PLAGL1: variants seen among roughly 807,000 people sequenced by gnomAD.
PLAGL1 encodes zinc finger protein PLAGL1.
A neutral mutation model predicts 4.6 loss-of-function variants in PLAGL1; 1 was observed. That is an observed-to-expected ratio of 0.22 (90% CI 0.08 to 1.03). PLAGL1 has a LOEUF of 1.03. Among genes scored for constraint, PLAGL1 ranks in the 50% least tolerant of loss-of-function variants. The probability of loss-of-function intolerance (pLI) is 0.58; values close to 1 mark genes in which losing one functional copy is unlikely to be tolerated. For missense variants in PLAGL1, 464 were observed against 570.4 expected (o/e 0.81, Z 1.90); for synonymous variants, 240 against 237.8 (o/e 1.01, Z -0.08).
In PLAGL1 at chr6:144,016,976, A is replaced by G. The variant is rs1017649937; in HGVS notation, c.-151+47492T>C. Among the ~76,000 whole-genome samples, 1 of 152,128 alleles carries G rather than the reference A, an allele frequency of 6.6e-6. No homozygotes were observed. Among genetic ancestry groups the G allele is most frequent in the African/African-American group, 2.4e-5 (1 of 41,420 alleles). On this transcript the variant is annotated intron_variant, in intron 1 of 3. Transcript: ENST00000437412. The surrounding 1 kb of genome is among the most constrained non-coding windows in gnomAD (Gnocchi z 4.2). ...CAGTGGCAGAGGTGAAACCTGACCT[A>G]GAGCCTTCTCTTGGACTCCTAATCC... is the stretch of plus-strand genomic sequence containing the variant.
chr6:143,978,464 T>C lies in PLAGL1; in HGVS notation c.-544+6671A>G, dbSNP rs952530152. Among the ~76,000 whole-genome samples the C allele has an allele frequency of 2.0e-5, 3 of 152,214 alleles. No individual in the cohort carries two copies. The highest frequency in any genetic ancestry group is 7.2e-5 in the African/African-American group (3 of 41,456). On this transcript the variant is annotated intron_variant, in intron 2 of 7. Transcript: ENST00000674357. The surrounding 1 kb of genome is among the most constrained non-coding windows in gnomAD (Gnocchi z 4.6). Reference sequence around the variant, plus strand: ...AGCATACTGTTTAATTTCCAAATATTTGGAAAATTTCCAGCACTTTTTTCA... The same window carrying C: ...AGCATACTGTTTAATTTCCAAATATCTGGAAAATTTCCAGCACTTTTTTCA...
chr6:143,944,942 T>C (rs1241805085), intron 7 of PLAGL1, among the ~76,000 whole-genome samples: 1 of 151,940 alleles, frequency 6.6e-6, no homozygotes, highest in Admixed American at 6.5e-5. Context: ...CGACTGCACC[T>C]GGTTATTTCC....
chr6:144,049,783 C>T (rs1798448474), intron 1 of PLAGL1, among the ~76,000 whole-genome samples: 1 of 152,140 alleles, frequency 6.6e-6, no homozygotes, highest in African/African-American at 2.4e-5. Context: ...ATTACTAGTC[C>T]CATTTTTCAA....
rs1784534378 is a variant in PLAGL1, at chr6:143,966,956, A to T, written c.-471-758T>A. On this transcript the variant is annotated intron_variant, in intron 3 of 7. Transcript: ENST00000674357. The surrounding 1 kb of genome is among the most constrained non-coding windows in gnomAD (Gnocchi z 6.0). Reference sequence around the variant, plus strand: ...AATGGGTTTTACTCTACCTCAGTCCACTATGCAGCATGCATACTCTACTTA... The same window carrying T: ...AATGGGTTTTACTCTACCTCAGTCCTCTATGCAGCATGCATACTCTACTTA... The T allele has an allele frequency of 6.6e-6, 1 of 152,154 alleles. No homozygotes were observed. Among genetic ancestry groups the T allele is most frequent in the Non-Finnish European group, 1.5e-5 (1 of 68,022 alleles). 9.4% of individuals were successfully genotyped at this position (152,154 alleles called of 1,614,324 possible). A position where few individuals can be genotyped will look rare whatever the true frequency, so the allele number is the denominator to read the frequency against.
intron 1 of PLAGL1, among the ~76,000 whole-genome samples, chr6:144,033,621 G>A (rs1353929694): frequency 6.6e-6 from 1 of 152,220 alleles, no homozygotes; most frequent in African/African-American, 2.4e-5. Flanking sequence ...AGTGAAATGT[G>A]TCCTGTAGTT....
At chr6:144,033,657 G>A (rs566344177) in intron 1 of PLAGL1, among the ~76,000 whole-genome samples, 12 of 152,342 alleles carry the variant, frequency 7.9e-5, no homozygotes, top group African/African-American at 2.9e-4. Context: ...AGTGTAAACA[G>A]TGGACTGGGA....
intron 1 of PLAGL1, among the ~76,000 whole-genome samples, chr6:143,993,242 T>C (rs971825137): frequency 6.6e-6 from 1 of 151,692 alleles, no homozygotes; most frequent in African/African-American, 2.4e-5. Context: ...AGGCAGAGTT[T>C]GCAGTGAGCC....
rs1248441333 is a variant in PLAGL1 at position 144,039,050 on chromosome 6, C to T, written c.-151+25418G>A. On this transcript the variant is annotated intron_variant, in intron 1 of 3. Transcript: ENST00000437412. The surrounding 1 kb of genome is among the most constrained non-coding windows in gnomAD (Gnocchi z 4.1). ...AGCCAGTAATATAGAAAATAAATAT[C>T]AGAAGTAGCTCAGGGATAGGGGAAA... Among the ~76,000 whole-genome samples the T allele has an allele frequency of 1.3e-5, 2 of 151,982 alleles. No homozygotes were observed. Among genetic ancestry groups the T allele is most frequent in the African/African-American group, 4.8e-5 (2 of 41,362 alleles).
chr6:144,011,332 CAACA>C (rs1795172959), upstream of PLAGL1, among the ~76,000 whole-genome samples: 2 of 152,126 alleles, frequency 1.3e-5, no homozygotes, highest in African/African-American at 4.8e-5. This position sits in a 1 kb window ranked among gnomAD's most constrained non-coding sequence, Gnocchi z 4.3. Flanking sequence ...TTTATGTGGC[CAACA>C]AACATATGAA....
At chr6:144,054,776 A>AGTGTGTGTGTGTGTGT (rs55975441) in intron 1 of PLAGL1, among the ~76,000 whole-genome samples, 417 of 142,268 alleles carry the variant, frequency 2.9e-3, no homozygotes, top group Non-Finnish European at 5.0e-3. Context: ...ACTAAAAAAG[A>AGTGTGTGTGTGTGTGT]GTGTGTGTGT....
chr6:144,043,933 C>A (rs555472056), intron 1 of PLAGL1, among the ~76,000 whole-genome samples: 178 of 152,258 alleles, frequency 1.2e-3, no homozygotes, highest in African/African-American at 4.0e-3. Flanking sequence ...GGAATTTATC[C>A]ATTTCTTCTA....
At chr6:144,029,211 A>G (rs1392061844) in intron 1 of PLAGL1, among the ~76,000 whole-genome samples, 1 of 152,198 alleles carries the variant, frequency 6.6e-6, no homozygotes, top group Non-Finnish European at 1.5e-5. Context: ...TAAATCTTTC[A>G]ACATATTTTA....
intron 1 of PLAGL1, among the ~76,000 whole-genome samples, chr6:144,058,631 G>T (rs898558956): frequency 6.6e-6 from 1 of 152,126 alleles, no homozygotes; most frequent in Non-Finnish European, 1.5e-5. Flanking sequence ...TACAATGGTG[G>T]TACAGACACT....
At chr6:144,028,441 A>G (rs1200458684) in intron 1 of PLAGL1, among the ~76,000 whole-genome samples, 1 of 152,234 alleles carries the variant, frequency 6.6e-6, no homozygotes, top group Admixed American at 6.5e-5. Flanking sequence ...AGACTCTGTC[A>G]AGTGTGATGA....
In PLAGL1 at chr6:144,005,060, A is replaced by G. The variant is rs923669875; in HGVS notation, c.-584+3030T>C. 16 of 151,536 alleles carry G rather than the reference A, an allele frequency of 1.1e-4. No individual in the cohort carries two copies. Among genetic ancestry groups the G allele is most frequent in the Admixed American group, 4.6e-4 (7 of 15,204 alleles). 9.4% of individuals were successfully genotyped at this position (151,536 alleles called of 1,614,324 possible). On this transcript the variant is annotated intron_variant, in intron 1 of 7. Coordinates refer to ENST00000674357, the MANE Select transcript of PLAGL1 (RefSeq NM_001317162.2). The surrounding 1 kb of genome is among the most constrained non-coding windows in gnomAD (Gnocchi z 4.6). ...TATATATATACACACACCTACATAC[A>G]TTGCCTCAAAAGTCTGTGAGTACAA...
At chr6:144,037,347 G>A (rs1240536552) in intron 1 of PLAGL1, 1 of 151,292 alleles carries the variant, frequency 6.6e-6, no homozygotes, top group East Asian at 1.9e-4. Context: ...GGAGGCCAAC[G>A]TGGGACAATA....
At chr6:144,018,474 T>A (rs1291973306) in intron 1 of PLAGL1, among the ~76,000 whole-genome samples, 1 of 152,198 alleles carries the variant, frequency 6.6e-6, no homozygotes, top group Non-Finnish European at 1.5e-5. Flanking sequence ...CTATGGTGAC[T>A]ATCGTTAATA....
intron 1 of PLAGL1, among the ~76,000 whole-genome samples, chr6:144,019,483 T>C (rs1795816170): frequency 6.6e-6 from 1 of 151,636 alleles, no homozygotes; most frequent in African/African-American, 2.4e-5. Context: ...GAAAAAAAAA[T>C]GCTATAAAGA....
chr6:143,979,219 C>T lies in PLAGL1; in HGVS notation c.-544+5916G>A, dbSNP rs1311422814. ...GGCAGCATATAGTTAGTTCTCAAAG[C>T]GTTTTGTATGTATTAAATCTGACTG... On this transcript the variant is annotated intron_variant, in intron 2 of 7. Coordinates refer to ENST00000674357, the MANE Select transcript of PLAGL1 (RefSeq NM_001317162.2). The surrounding 1 kb of genome is among the most constrained non-coding windows in gnomAD (Gnocchi z 4.6). 1.3e-5 allele frequency among the ~76,000 whole-genome samples: 2 copies of T among 152,026 alleles called. No individual in the cohort carries two copies. The highest frequency in any genetic ancestry group is 2.9e-5 in the Non-Finnish European group (2 of 67,948).
Sources: allele counts gnomAD v4.1 joint callset (sites outside exome capture counted in the v4.1 genomes callset), GRCh38; gene constraint gnomAD v4.1.1; non-coding constraint Gnocchi (gnomAD v3.1); transcripts MANE v1.5; gene names NCBI Gene and HGNC (gene_info 2026-07-23, HGNC 2026-07-21).